CCDC59: variants seen among roughly 807,000 people sequenced by gnomAD.
CCDC59 encodes thyroid transcription factor 1-associated protein 26.
In CCDC59, 27 loss-of-function variants were observed where a neutral mutation model predicts 30.5. The ratio of observed to expected loss-of-function variants is 0.89; its 90% CI spans 0.65 to 1.22. CCDC59 has a LOEUF of 1.22. Among genes scored for constraint, CCDC59 ranks in the 50% most tolerant of loss-of-function variants. The pLI, the probability that CCDC59 is intolerant of heterozygous loss-of-function variation, is 0.00. For missense variants in CCDC59, 362 were observed against 284.4 expected (o/e 1.27, Z -1.96); for synonymous variants, 125 against 100.9 (o/e 1.24, Z -1.43).
In CCDC59 at chr12:82,353,278, G is replaced by C; in HGVS notation, c.599C>G (p.Ala200Gly). 6.2e-7 allele frequency: 1 copy of C among 1,608,504 alleles called. No homozygotes were observed. ...TTTCTTCTTTTTGTACTGCCTTTGG[G>C]CTTCTTCTCTCTCCTGTTTTCTCCT... ...FERRKQEREE[A>G]QRQYKKKKME... is the part of the protein sequence containing the mutation. The change falls in exon 4 of 4, where the codon GCC becomes GGC. Residue 200 changes from alanine to glycine, a missense_variant. Ala to Gly is a moderately conservative substitution (Grantham distance 60). Transcript: ENST00000256151.
chr12:82,357,983 A>G (rs1881176285), intron 1 of CCDC59, among the ~76,000 whole-genome samples: 1 of 152,188 alleles, frequency 6.6e-6, no homozygotes, highest in South Asian at 2.1e-4. Flanking sequence ...AAATATAGGA[A>G]AAAAGTTCTG....
chr12:82,358,270 G>A lies in CCDC59; in HGVS notation c.107C>T (p.Thr36Ile), dbSNP rs371811255. ...GYRNKNVRQK[T>I]WRPNHPQAFV... Reference sequence around the variant, plus strand: ...GGCTTGCGGGTGGTTAGGCCGCCATGTCTTCTGTCTCACATTCTTATTCCT... The same window carrying A: ...GGCTTGCGGGTGGTTAGGCCGCCATATCTTCTGTCTCACATTCTTATTCCT... Residue 36 changes from threonine to isoleucine, a missense_variant, in exon 1 of 4, where the codon ACA becomes ATA. Physicochemically the swap from Thr to Ile is moderately conservative, Grantham distance 89 (BLOSUM62 -1). Transcript: ENST00000256151. 2 of 1,614,084 alleles carry A rather than the reference G, an allele frequency of 1.2e-6. No individual in the cohort carries two copies. The highest frequency in any genetic ancestry group is 2.2e-5 in the South Asian group (2 of 91,092).
In CCDC59 at chr12:82,357,117, T is replaced by C. The variant is rs751324936; in HGVS notation, c.307A>G (p.Arg103Gly). 8 of 1,614,100 alleles carry C rather than the reference T, an allele frequency of 5.0e-6. No individual in the cohort carries two copies. The highest frequency in any genetic ancestry group is 6.8e-6 in the Non-Finnish European group (8 of 1,180,038). The change falls in exon 2 of 4, where the codon AGA (arginine) becomes GGA (glycine). Residue 103 changes from arginine (R) to glycine (G), a missense_variant. Physicochemically the swap from Arg to Gly is moderately radical, Grantham distance 125 (BLOSUM62 -2). Coordinates refer to ENST00000256151, the MANE Select transcript of CCDC59 (RefSeq NM_014167.5). ...LKHLYLAEEE[R>G]HRKQARKVDH... ...ACTTTTCTTGCTTGCTTCCTATGTC[T>C]TTCCTCTTCAGCTAAATAGAGATGT...
Position 82,352,463 on chromosome 12 carries a change from C to T in CCDC59, c.*688G>A, listed in dbSNP as rs1031511822. 3.4e-4 allele frequency: 52 copies of T among 152,346 alleles called. No homozygotes were observed. Among genetic ancestry groups the T allele is most frequent in the African/African-American group, 1.3e-3 (52 of 41,580 alleles). 9.4% of individuals were successfully genotyped at this position (152,346 alleles called of 1,614,324 possible). ...TATCCCAGTGGCTTATCTCAGCTCA[C>T]AAGGGTACCAACAAGGGAGACAGAG... On this transcript the variant is annotated 3_prime_UTR_variant, in exon 4 of 4. Coordinates refer to ENST00000256151, the MANE Select transcript of CCDC59 (RefSeq NM_014167.5).
rs1881197897 is a variant in CCDC59 at position 82,358,142 on chromosome 12, CCTT to C, written c.154+78_154+80del. 4.5e-6 allele frequency: 7 copies of C among 1,542,840 alleles called. No individual in the cohort carries two copies. The South Asian group carries it at 4.6e-5, about 10-fold the overall frequency. On this transcript the variant is annotated intron_variant, in intron 1 of 3. Coordinates refer to ENST00000256151, the MANE Select transcript of CCDC59 (RefSeq NM_014167.5). ...GTAGGACCGGGTCTGGTTCCTAAAT[CCTT>C]CTTCCAAGCTTCAGCGAATCTTATA...
At chr12:82,358,602 C>G (rs780094088), upstream of CCDC59, 14 of 1,613,238 alleles carry the variant, frequency 8.7e-6, no homozygotes, top group African/African-American at 1.7e-4. Flanking sequence ...GACCCCGGAC[C>G]TGCCCACGCT....
In CCDC59 at chr12:82,358,088, G is replaced by A. The variant is rs144046536; in HGVS notation, c.154+135C>T. ...GCTCTGCGAAGCTCACAGCTTTAGC[G>A]GGCTCAGGAATGAATTCCCTTGCCC... On this transcript the variant is annotated intron_variant, in intron 1 of 3. Transcript: ENST00000256151. 2,002 of 937,060 alleles carry A rather than the reference G, an allele frequency of 2.1e-3. 36 individuals are homozygous for A. The East Asian group carries it at 0.028, about 13-fold the overall frequency. The allele number at this position is 937,060 out of a possible 1,614,324, so 58.0% of individuals were successfully genotyped here.
Position 82,358,326 on chromosome 12 carries a change from C to G in CCDC59, c.51G>C (p.Ala17=). The G allele has an allele frequency of 6.2e-7, 1 of 1,614,124 alleles. No homozygotes were observed. Among genetic ancestry groups the G allele is most frequent in the Non-Finnish European group, 8.5e-7 (1 of 1,180,030 alleles). The change falls in exon 1 of 4, where the codon GCG becomes GCC. Residue 17 remains alanine, a synonymous_variant. Coordinates refer to ENST00000256151, the MANE Select transcript of CCDC59 (RefSeq NM_014167.5). The part of the protein sequence containing the change: ...SAKWRPGGIE[A]RGEGVSTVGY... ...CGACAGTGGAAACCCCTTCACCACG[C>G]GCCTCAATACCACCAGGCCGCCACT...
At chr12:82,356,827 T>C (rs1881039766) in intron 2 of CCDC59, 133 bp downstream of exon 2, 1 of 682,256 alleles carries the variant, frequency 1.5e-6, no homozygotes, top group Non-Finnish European at 2.3e-6. Context: ...TCCATGAAAA[T>C]GTTTCCCTAA....
At position 82,353,164 on chromosome 12, in the gene CCDC59, T is replaced by C. The variant is rs781555879; in HGVS notation, c.713A>G (p.Gln238Arg). 5.6e-6 allele frequency: 9 copies of C among 1,600,162 alleles called. No individual in the cohort carries two copies. The highest frequency in any genetic ancestry group is 6.8e-6 in the Non-Finnish European group (8 of 1,176,722). ...GGAACAAAATGTTTAACATTTTTCTTGTATTTTTTGAAGAAGGTACTCCAT... is the reference window on the plus strand; with the variant it reads ...GGAACAAAATGTTTAACATTTTTCTCGTATTTTTTGAAGAAGGTACTCCAT... ...VQMEYLLQKIQEKC is the reference protein window; with the variant it reads ...VQMEYLLQKIREKC Residue 238 changes from glutamine to arginine, a missense_variant, in exon 4 of 4, where the codon CAA (glutamine) becomes CGA (arginine). Physicochemically the swap from Gln to Arg is conservative, Grantham distance 43 (BLOSUM62 1). Coordinates refer to ENST00000256151, the MANE Select transcript of CCDC59 (RefSeq NM_014167.5).
At position 82,357,230 on chromosome 12, in the gene CCDC59, T is replaced by C; in HGVS notation, c.194A>G (p.Gln65Arg). 3 of 1,613,974 alleles carry C rather than the reference T, an allele frequency of 1.9e-6. No homozygotes were observed. In the South Asian group the frequency reaches 3.3e-5, roughly 18 times the overall value. Reference protein sequence around the residue: ...FAFRRKLKIQQSYKKLLRKEK... With the variant: ...FAFRRKLKIQRSYKKLLRKEK... Reference sequence around the variant, plus strand: ...CTTCCGTAGCAATTTCTTGTAACTTTGCTGTATTTTCAGTTTTCTTCGAAA... The same window carrying C: ...CTTCCGTAGCAATTTCTTGTAACTTCGCTGTATTTTCAGTTTTCTTCGAAA... The change falls in exon 2 of 4, where the codon CAA (glutamine) becomes CGA (arginine). Residue 65 changes from glutamine (Q) to arginine (R), a missense_variant. Gln to Arg is a conservative substitution (Grantham distance 43). Coordinates refer to ENST00000256151, the MANE Select transcript of CCDC59 (RefSeq NM_014167.5).
In CCDC59 at chr12:82,356,991, G is replaced by C. The variant is rs767520409; in HGVS notation, c.433C>G (p.Gln145Glu). ...FEDQCSFDQP[Q>E]PEEQCIKTVN... is the part of the protein sequence containing the mutation. ...GTTTTAATACATTGTTCTTCTGGCT[G>C]AGGCTGGTCAAAGCTACACTGATCT... Residue 145 changes from glutamine (Q) to glutamate (E), a missense_variant, in exon 2 of 4, where the codon CAG (glutamine) becomes GAG (glutamate). Physicochemically the swap from Gln to Glu is conservative, Grantham distance 29. Coordinates refer to ENST00000256151, the MANE Select transcript of CCDC59 (RefSeq NM_014167.5). The C allele has an allele frequency of 2.5e-6, 4 of 1,613,454 alleles. No homozygotes were observed. In the Admixed American group the frequency reaches 5.0e-5, roughly 20 times the overall value.
intron 3 of CCDC59, 40 bp from the exon 4 acceptor site, chr12:82,353,352 C>T (rs563915330): frequency 4.4e-5 from 64 of 1,461,794 alleles, no homozygotes; most frequent in Non-Finnish European, 5.6e-6. Flanking sequence ...TAGCAACAAA[C>T]AGTAGATACA....
rs545887840 is a variant in CCDC59, at chr12:82,353,367, A to G, written c.565-55T>C. ...TAGCAACAAACAGTAGATACAGTTCAGAAATTGTCTTGAAATAGCTATTAC... is the reference window on the plus strand; with the variant it reads ...TAGCAACAAACAGTAGATACAGTTCGGAAATTGTCTTGAAATAGCTATTAC... On this transcript the variant is annotated intron_variant, in intron 3 of 3. Transcript: ENST00000256151. The G allele has an allele frequency of 1.7e-4, 233 of 1,406,594 alleles. 4 individuals carry two copies. The South Asian group carries it at 3.0e-3, about 18-fold the overall frequency. 87.1% of individuals were successfully genotyped at this position (1,406,594 alleles called of 1,614,324 possible).
chr12:82,358,343 GCCGCCA>G lies in CCDC59; in HGVS notation c.28_33del (p.Trp10_Arg11del). 1 of 1,613,706 alleles carries G rather than the reference GCCGCCA, an allele frequency of 6.2e-7. No homozygotes were observed. Among genetic ancestry groups the G allele is most frequent in the Non-Finnish European group, 8.5e-7 (1 of 1,180,020 alleles). On this transcript the variant is annotated inframe_deletion, in exon 1 of 4. Transcript: ENST00000256151. ...TCACCACGCGCCTCAATACCACCAG[GCCGCCA>G]CTTCGCGGACCGCCTCACCGGCGCC...
rs959061175 is a variant in CCDC59 at position 82,352,633 on chromosome 12, T to C, written c.*518A>G. 8 of 152,360 alleles carry C rather than the reference T, an allele frequency of 5.3e-5. No homozygotes were observed. Among genetic ancestry groups the C allele is most frequent in the Non-Finnish European group, 8.8e-5 (6 of 68,140 alleles). 9.4% of individuals were successfully genotyped at this position (152,360 alleles called of 1,614,324 possible). ...AAGGGAATGTTTATAAATATCAGACTTTGAGTTCACTGCTTTGTGAAGGTC... is the reference window on the plus strand; with the variant it reads ...AAGGGAATGTTTATAAATATCAGACCTTGAGTTCACTGCTTTGTGAAGGTC... On this transcript the variant is annotated 3_prime_UTR_variant, in exon 4 of 4. Transcript: ENST00000256151.
Position 82,357,288 on chromosome 12 carries a change from T to A in CCDC59, c.155-19A>T. The stretch of plus-strand genomic sequence containing the variant: ...CCTTGTCCTACATTGAGGAATATCA[T>A]CCAAAATTACTTTCAGAGAAAAGAA... On this transcript the variant is annotated intron_variant, in intron 1 of 3. Coordinates refer to ENST00000256151, the MANE Select transcript of CCDC59 (RefSeq NM_014167.5). 3 of 964,366 alleles carry A rather than the reference T, an allele frequency of 3.1e-6. No homozygotes were observed. Among genetic ancestry groups the A allele is most frequent in the Non-Finnish European group, 4.4e-6 (3 of 678,506 alleles). 59.7% of individuals were successfully genotyped at this position (964,366 alleles called of 1,614,324 possible).
chr12:82,353,132 A>C lies in CCDC59; in HGVS notation c.*19T>G. On this transcript the variant is annotated 3_prime_UTR_variant, in exon 4 of 4. Transcript: ENST00000256151. ...AACCTAATAGGCAGCAGATATTTTAACCTGTAGGAACAAAATGTTTAACAT... is the reference window on the plus strand; with the variant it reads ...AACCTAATAGGCAGCAGATATTTTACCCTGTAGGAACAAAATGTTTAACAT... 6.3e-7 allele frequency: 1 copy of C among 1,582,472 alleles called. No homozygotes were observed. Among genetic ancestry groups the C allele is most frequent in the South Asian group, 1.2e-5 (1 of 85,280 alleles).
At chr12:82,354,928 A>AT (rs1880964915) in intron 2 of CCDC59, 3 of 175,012 alleles carry the variant, frequency 1.7e-5, no homozygotes, top group Admixed American at 6.1e-5. Flanking sequence ...TCTCTATTCC[A>AT]TTTTACCTAC....
Sources: allele counts gnomAD v4.1 joint callset (sites outside exome capture counted in the v4.1 genomes callset), GRCh38; gene constraint gnomAD v4.1.1; transcripts MANE v1.5; gene names NCBI Gene and HGNC (gene_info 2026-07-23, HGNC 2026-07-21).